Variants in STPG2 observed in about 807,000 individuals in gnomAD.
STPG2 encodes sperm tail PG-rich repeat containing 2.
In STPG2, 56 loss-of-function variants were observed where a neutral mutation model predicts 54.2. The observed-to-expected ratio is 1.03, with a 90% CI of 0.83 to 1.29. The LOEUF is 1.29. Among genes scored for constraint, STPG2 ranks in the 50% most tolerant of loss-of-function variants. The pLI, the probability that STPG2 is intolerant of heterozygous loss-of-function variation, is 0.00. For missense variants in STPG2, 596 were observed against 544.9 expected (o/e 1.09, Z -0.93); for synonymous variants, 200 against 181.8 (o/e 1.10, Z -0.81).
chr4:97,490,315 G>T (rs1335941309), intron 4 of STPG2, among the ~76,000 whole-genome samples: 2 of 150,890 alleles, frequency 1.3e-5, no homozygotes, highest in Non-Finnish European at 3.0e-5. Context: ...TTCCCTACTT[G>T]GCAAAGCCAA....
At chr4:97,646,083 T>G (rs1337549270) in intron 10 of STPG2, among the ~76,000 whole-genome samples, 2 of 152,146 alleles carry the variant, frequency 1.3e-5, no homozygotes, top group Non-Finnish European at 1.5e-5. Flanking sequence ...AGTCTTCCCA[T>G]GTGCAATCCA....
chr4:97,687,846 C>T (rs772737573), intron 10 of STPG2, among the ~76,000 whole-genome samples: 2 of 151,938 alleles, frequency 1.3e-5, no homozygotes, highest in Non-Finnish European at 2.9e-5. Context: ...GGAAGCACTT[C>T]CTTTACAGTG....
chr4:97,566,080 G>T (rs551931403), intron 10 of STPG2, among the ~76,000 whole-genome samples: 7 of 152,176 alleles, frequency 4.6e-5, no homozygotes, highest in African/African-American at 1.7e-4. Context: ...GAGCTGTGGT[G>T]GGCTCCACCC....
intron 4 of STPG2, among the ~76,000 whole-genome samples, chr4:97,528,858 C>T (rs190356615): frequency 4.7e-4 from 71 of 151,432 alleles, no homozygotes; most frequent in Non-Finnish European, 7.6e-4. Flanking sequence ...GCTGAAGCTG[C>T]TTACCAGCTT....
At chr4:97,879,516 C>T (rs1730296965) in intron 8 of STPG2, among the ~76,000 whole-genome samples, 1 of 152,090 alleles carries the variant, frequency 6.6e-6, no homozygotes, top group African/African-American at 2.4e-5. Flanking sequence ...GTGGTTTCCC[C>T]TTATAAAGCC....
Position 97,896,268 on chromosome 4 carries a change from C to A in STPG2, c.1044+47629G>T, listed in dbSNP as rs778167936. Reference sequence around the variant, plus strand: ...GAATTATGGTAATCATCATAACTAACCCAAATGAAGAAACATAGAATTAAT... The same window carrying A: ...GAATTATGGTAATCATCATAACTAAACCAAATGAAGAAACATAGAATTAAT... On this transcript the variant is annotated intron_variant, in intron 8 of 10. Coordinates refer to ENST00000295268, the MANE Select transcript of STPG2 (RefSeq NM_174952.3). 3.3e-5 allele frequency among the ~76,000 whole-genome samples: 5 copies of A among 151,678 alleles called. No homozygotes were observed. The South Asian group carries it at 1.0e-3, about 31-fold the overall frequency.
chr4:97,848,302 TA>T (rs1729031375), intron 8 of STPG2, among the ~76,000 whole-genome samples: 1 of 152,138 alleles, frequency 6.6e-6, no homozygotes, highest in Admixed American at 6.6e-5. Context: ...ACTGAACAAA[TA>T]TACCATATAT....
chr4:97,480,757 C>G (rs933426448), intron 4 of STPG2, among the ~76,000 whole-genome samples: 1 of 151,506 alleles, frequency 6.6e-6, no homozygotes, highest in Middle Eastern at 3.2e-3. Context: ...ATTTTGCTTA[C>G]TTTAGTTTTT....
intron 10 of STPG2, among the ~76,000 whole-genome samples, chr4:97,566,893 G>GA (rs1732465678): frequency 1.4e-5 from 2 of 148,056 alleles, no homozygotes; most frequent in Non-Finnish European, 3.0e-5. Flanking sequence ...GGGGTGGTGG[G>GA]AGGGGGGAGG....
chr4:98,081,922 T>C (rs1285662720), intron 5 of STPG2, among the ~76,000 whole-genome samples: 3 of 152,206 alleles, frequency 2.0e-5, no homozygotes, highest in African/African-American at 7.2e-5. Flanking sequence ...AATAGTTTAG[T>C]TCAATAGAGG....
chr4:97,766,137 T>A (rs144816031), intron 9 of STPG2, among the ~76,000 whole-genome samples: 40 of 152,240 alleles, frequency 2.6e-4, no homozygotes, highest in African/African-American at 9.1e-4. Flanking sequence ...TAATATGATC[T>A]CTATTTAAAA....
intron 10 of STPG2, among the ~76,000 whole-genome samples, chr4:97,704,287 G>A (rs1723876859): frequency 6.6e-6 from 1 of 152,212 alleles, no homozygotes; most frequent in African/African-American, 2.4e-5. Context: ...TTATCCAAAT[G>A]ATCTTTCTGG....
intron 10 of STPG2, among the ~76,000 whole-genome samples, chr4:97,623,219 T>C (rs551281692): frequency 6.6e-6 from 1 of 152,168 alleles, no homozygotes; most frequent in Non-Finnish European, 1.5e-5. Context: ...GATTTCATGA[T>C]GAAGACACCA....
rs554834663 is a variant in STPG2 at position 97,717,250 on chromosome 4, A to C, written c.1205-4436T>G. 2.0e-5 allele frequency among the ~76,000 whole-genome samples: 3 copies of C among 152,310 alleles called. No homozygotes were observed. In the South Asian group the frequency reaches 6.2e-4, roughly 32 times the overall value. ...CCATGTTTATTTTTGCCATCCCTTT[A>C]AATTATCTGTTCAAAAACCAAAAGG... On this transcript the variant is annotated intron_variant, in intron 9 of 10. Coordinates refer to ENST00000295268, the MANE Select transcript of STPG2 (RefSeq NM_174952.3).
intron 3 of STPG2, among the ~76,000 whole-genome samples, chr4:98,117,780 T>A (rs950105683): frequency 2.6e-5 from 4 of 152,134 alleles, no homozygotes; most frequent in African/African-American, 9.6e-5. Context: ...TTTGTTTTTA[T>A]AATTTCTATC....
intron 8 of STPG2, among the ~76,000 whole-genome samples, chr4:97,864,309 C>CACAG (rs1729678008): frequency 6.6e-6 from 1 of 150,750 alleles, no homozygotes; most frequent in Non-Finnish European, 1.5e-5. Flanking sequence ...CAATAACAGA[C>CACAG]AGCCAAATCA....
At chr4:97,490,329 G>C in intron 4 of STPG2, among the ~76,000 whole-genome samples, 1 of 151,306 alleles carries the variant, frequency 6.6e-6, no homozygotes, top group East Asian at 2.0e-4. Context: ...AAGCCAATGC[G>C]TTCTTTCAGT....
At chr4:97,960,579 G>A (rs1316158237) in intron 7 of STPG2, among the ~76,000 whole-genome samples, 1 of 151,886 alleles carries the variant, frequency 6.6e-6, no homozygotes. Flanking sequence ...ATCAAATCAA[G>A]AACTCAAACT....
intron 5 of STPG2, among the ~76,000 whole-genome samples, chr4:97,996,853 T>C (rs1735257385): frequency 6.6e-6 from 1 of 152,142 alleles, no homozygotes; most frequent in Non-Finnish European, 1.5e-5. Context: ...ACATCACTAA[T>C]CATTAGAGAA....
Sources: allele counts gnomAD v4.1 joint callset (sites outside exome capture counted in the v4.1 genomes callset), GRCh38; gene constraint gnomAD v4.1.1; transcripts MANE v1.5; gene names NCBI Gene and HGNC (gene_info 2026-07-23, HGNC 2026-07-21).